The following HLA-DQA2 variants were observed in gnomAD, a reference collection of about 807,000 sequenced individuals.
HLA-DQA2 encodes the protein major histocompatibility complex, class II, DQ alpha 2.
Under a neutral mutation model 21.0 loss-of-function variants are expected in HLA-DQA2, and 17 were observed. The observed-to-expected ratio is 0.81, with a 90% CI of 0.56 to 1.22. The LOEUF (loss-of-function observed/expected upper bound fraction) is 1.22, where lower values mean the gene tolerates loss of function less well. Ranked by LOEUF, HLA-DQA2 falls within the 50% of genes most tolerant of loss-of-function variation. The pLI, the probability that HLA-DQA2 is intolerant of heterozygous loss-of-function variation, is 0.00. For synonymous variants in HLA-DQA2, 81 were observed against 116.5 expected, an observed-to-expected ratio of 0.70 and a Z score of 1.96; for missense variants, 239 against 308.8, an observed-to-expected ratio of 0.77 and a Z score of 1.69.
Position 32,746,691 on chromosome 6 carries a change from C to T in HLA-DQA2, c.*130C>T. 3 of 643,866 alleles carry T rather than the reference C, an allele frequency of 4.7e-6. No individual in the cohort carries two copies. Among genetic ancestry groups the T allele is most frequent in the Non-Finnish European group, 8.6e-6 (3 of 349,052 alleles). The allele number at this position is 643,866 out of a possible 1,614,324, so 39.9% of individuals were successfully genotyped here. A position where few individuals can be genotyped will look rare whatever the true frequency, so the allele number is the denominator to read the frequency against. On this transcript the variant is annotated 3_prime_UTR_variant, in exon 5 of 5. Transcript: ENST00000374940. The stretch of plus-strand genomic sequence containing the variant: ...TCTCCTCCAAATGTTTCTTCTCTCA[C>T]CTCTTCTCTGGGACTTAAGGTGCTA...
Position 32,746,429 on chromosome 6 carries a change from T to C in HLA-DQA2, c.*20+15T>C. ...TGAAAAGGAAGGTAAGATTGAGATT[T>C]GTTGGAGCTGAAACCTCAGTATGAG... On this transcript the variant is annotated intron_variant, in intron 4 of 4. Coordinates refer to ENST00000374940, the MANE Select transcript of HLA-DQA2 (RefSeq NM_020056.5). 1 of 1,613,014 alleles carries C rather than the reference T, an allele frequency of 6.2e-7. No individual in the cohort carries two copies. Among genetic ancestry groups the C allele is most frequent in the Non-Finnish European group, 8.5e-7 (1 of 1,179,976 alleles).
chr6:32,746,884 C>T lies in HLA-DQA2; in HGVS notation c.*323C>T. 1 of 338,030 alleles carries T rather than the reference C, an allele frequency of 3.0e-6. No homozygotes were observed. The highest frequency in any genetic ancestry group is 5.8e-6 in the Non-Finnish European group (1 of 173,144). 20.9% of individuals were successfully genotyped at this position (338,030 alleles called of 1,614,324 possible). On this transcript the variant is annotated 3_prime_UTR_variant, in exon 5 of 5. Coordinates refer to ENST00000374940, the MANE Select transcript of HLA-DQA2 (RefSeq NM_020056.5). ...AATCTCCATGGAAGCAATAAATTCC[C>T]TTTTGATGCCTCTATTGAATTTTTC...
chr6:32,744,116 C>T (rs1179867425), intron 1 of HLA-DQA2, among the ~76,000 whole-genome samples: 1 of 152,322 alleles, frequency 6.6e-6, no homozygotes, highest in South Asian at 2.1e-4. Context: ...CCTTACCGAC[C>T]TGATTCTCCC....
intron 1 of HLA-DQA2, among the ~76,000 whole-genome samples, chr6:32,744,434 A>AAC (rs1272960698): frequency 6.6e-6 from 1 of 151,986 alleles, no homozygotes; most frequent in Non-Finnish European, 1.5e-5. Context: ...GAGGAAAAAA[A>AAC]AAAGTGGGGG....
In HLA-DQA2 at chr6:32,746,392, T is replaced by C; in HGVS notation, c.766T>C (p.Ter256ArgextTer4). The C allele has an allele frequency of 6.3e-7, 1 of 1,592,828 alleles. No homozygotes were observed. The highest frequency in any genetic ancestry group is 8.5e-7 in the Non-Finnish European group (1 of 1,172,354). ...VGASRHQGLL[*>R] is the part of the protein sequence containing the mutation. ...TGCTTCCAGACACCAAGGGCTCTTA[T>C]GAATCCCATCCTGAAAAGGAAGGTA... The change falls in exon 4 of 5, where the codon TGA becomes CGA. Residue 256 changes from the stop codon to arginine, a stop_lost. Coordinates refer to ENST00000374940, the MANE Select transcript of HLA-DQA2 (RefSeq NM_020056.5).
chr6:32,745,857 G>C lies in HLA-DQA2; in HGVS notation c.398G>C (p.Cys133Ser), dbSNP rs1763543505. The stretch of plus-strand genomic sequence containing the variant: ...CTGGGTCAGCCCAACACCCTCATCT[G>C]TCTTGTGGACAACATCTTTCCTCCT... ...VTLGQPNTLI[C>S]LVDNIFPPVV... Residue 133 changes from cysteine (C) to serine (S), a missense_variant, in exon 3 of 5, where the codon TGT becomes TCT. Physicochemically the swap from Cys to Ser is moderately radical, Grantham distance 112 (BLOSUM62 -1). Transcript: ENST00000374940. 6.2e-7 allele frequency: 1 copy of C among 1,613,040 alleles called. No homozygotes were observed. Among genetic ancestry groups the C allele is most frequent in the Non-Finnish European group, 8.5e-7 (1 of 1,180,050 alleles).
At position 32,745,136 on chromosome 6, in the gene HLA-DQA2, T is replaced by C. The variant is rs1165035222; in HGVS notation, c.83-23T>C. 4 of 1,609,410 alleles carry C rather than the reference T, an allele frequency of 2.5e-6. No homozygotes were observed. In the South Asian group the frequency reaches 3.3e-5, roughly 13 times the overall value. On this transcript the variant is annotated intron_variant, in intron 1 of 4. Coordinates refer to ENST00000374940, the MANE Select transcript of HLA-DQA2 (RefSeq NM_020056.5). ...TCTTTCTCCCTGTGTTCCACCCTCC[T>C]GCTTGTCACCTTCACTCGTCAGCTG... is the stretch of plus-strand genomic sequence containing the variant.
Position 32,745,822 on chromosome 6 carries a change from T to C in HLA-DQA2, c.363T>C (p.Phe121=), listed in dbSNP as rs914947717. The C allele has an allele frequency of 6.2e-7, 1 of 1,613,136 alleles. No homozygotes were observed. The highest frequency in any genetic ancestry group is 8.5e-7 in the Non-Finnish European group (1 of 1,180,038). Residue 121 remains phenylalanine (F), a synonymous_variant, in exon 3 of 5, where the codon TTT becomes TTC. Transcript: ENST00000374940. ...EVPEVTVFSK[F]PVTLGQPNTL... ...CTGAGGTCACAGTGTTTTCCAAGTT[T>C]CCTGTGACGCTGGGTCAGCCCAACA...
chr6:32,745,506 A>G, intron 2 of HLA-DQA2, 99 bp downstream of exon 2: 2 of 1,308,950 alleles, frequency 1.5e-6, no homozygotes, highest in Non-Finnish European at 2.2e-6. Flanking sequence ...TCTCATGGTA[A>G]TTGCTGAAAT....
At position 32,745,321 on chromosome 6, in the gene HLA-DQA2, C is replaced by A. The variant is rs762568360; in HGVS notation, c.245C>A (p.Pro82Gln). The change falls in exon 2 of 5, where the codon CCG becomes CAG. Residue 82 changes from proline to glutamine, a missense_variant. By Grantham distance (76) the Pro-to-Gln change is moderately conservative (BLOSUM62 -1). Transcript: ENST00000374940. ...PMFSKFISFDPQSALRNMAVG... is the reference protein window; with the variant it reads ...PMFSKFISFDQQSALRNMAVG... ...TTTAGCAAATTTATAAGTTTTGACC[C>A]GCAGAGTGCACTGAGAAATATGGCT... The A allele has an allele frequency of 6.3e-7, 1 of 1,584,414 alleles. No individual in the cohort carries two copies. The highest frequency in any genetic ancestry group is 8.6e-7 in the Non-Finnish European group (1 of 1,164,494).
chr6:32,746,753 T>C lies in HLA-DQA2; in HGVS notation c.*192T>C, dbSNP rs1763629274. 4.0e-6 allele frequency: 2 copies of C among 503,306 alleles called. No individual in the cohort carries two copies. Among genetic ancestry groups the C allele is most frequent in the Non-Finnish European group, 3.8e-6 (1 of 264,726 alleles). The allele number at this position is 503,306 out of a possible 1,614,324, so 31.2% of individuals were successfully genotyped here. On this transcript the variant is annotated 3_prime_UTR_variant, in exon 5 of 5. Coordinates refer to ENST00000374940, the MANE Select transcript of HLA-DQA2 (RefSeq NM_020056.5). ...AGCTCACAAATGCCTTTCAATTCTTTCCCTGACCTCCTTTCCTGAATTTTT... is the reference window on the plus strand; with the variant it reads ...AGCTCACAAATGCCTTTCAATTCTTCCCCTGACCTCCTTTCCTGAATTTTT...
chr6:32,742,326 G>A (rs1457298396), intron 1 of HLA-DQA2, among the ~76,000 whole-genome samples: 1 of 149,878 alleles, frequency 6.7e-6, no homozygotes, highest in African/African-American at 2.4e-5. Flanking sequence ...TTCTCAAATT[G>A]TCAACCCAAA....
Position 32,746,672 on chromosome 6 carries a change from C to T in HLA-DQA2, c.*111C>T. ...TGATTTATCATATCCCTTTTCTCCT[C>T]CAAATGTTTCTTCTCTCACCTCTTC... On this transcript the variant is annotated 3_prime_UTR_variant, in exon 5 of 5. Coordinates refer to ENST00000374940, the MANE Select transcript of HLA-DQA2 (RefSeq NM_020056.5). The T allele has an allele frequency of 5.1e-6, 3 of 584,578 alleles. No homozygotes were observed. Among genetic ancestry groups the T allele is most frequent in the Non-Finnish European group, 9.4e-6 (3 of 317,562 alleles). 36.2% of individuals were successfully genotyped at this position (584,578 alleles called of 1,614,324 possible). A position where few individuals can be genotyped will look rare whatever the true frequency, so the allele number is the denominator to read the frequency against.
At chr6:32,743,858 G>A (rs1050964684) in intron 1 of HLA-DQA2, among the ~76,000 whole-genome samples, 18 of 151,988 alleles carry the variant, frequency 1.2e-4, no homozygotes, top group East Asian at 3.8e-4. Context: ...GTCACAACGC[G>A]GTCAAAAACA....
intron 1 of HLA-DQA2, among the ~76,000 whole-genome samples, chr6:32,742,869 CTTT>C (rs28993556): frequency 0.12 from 16,184 of 140,166 alleles, 1,261 homozygotes; most frequent in Non-Finnish European, 0.16. Context: ...AATGTTTTAA[CTTT>C]TTTTTTTTTT....
Position 32,746,335 on chromosome 6 carries a change from G to A in HLA-DQA2, c.709G>A (p.Val237Ile). Reference sequence around the variant, plus strand: ...CCTCATGGGCATTGTGGTGGGCACTGTCTTCATCATCCAAGGCCTGCGTTC... The same window carrying A: ...CCTCATGGGCATTGTGGTGGGCACTATCTTCATCATCCAAGGCCTGCGTTC... ...VGLMGIVVGT[V>I]FIIQGLRSVG... The change falls in exon 4 of 5, where the codon GTC becomes ATC. Residue 237 changes from valine to isoleucine, a missense_variant. Transcript: ENST00000374940. The A allele has an allele frequency of 1.2e-6, 2 of 1,613,104 alleles. No homozygotes were observed. The highest frequency in any genetic ancestry group is 2.7e-5 in the African/African-American group (2 of 75,040).
At chr6:32,743,521 C>T (rs1215668096) in intron 1 of HLA-DQA2, among the ~76,000 whole-genome samples, 1 of 152,020 alleles carries the variant, frequency 6.6e-6, no homozygotes, top group East Asian at 1.9e-4. Context: ...CACAGGAAAG[C>T]AGAAGGCCCT....
chr6:32,741,399 T>A lies in HLA-DQA2; in HGVS notation c.-45T>A. The A allele has an allele frequency of 6.3e-7, 1 of 1,593,076 alleles. No individual in the cohort carries two copies. Among genetic ancestry groups the A allele is most frequent in the Non-Finnish European group, 8.6e-7 (1 of 1,164,626 alleles). ...CTTGTCTCGAGGTCCTCACAATTGC[T>A]CTACAGCTCAGAGCAGCAACTGCTG... On this transcript the variant is annotated 5_prime_UTR_variant, in exon 1 of 5. Transcript: ENST00000374940.
In HLA-DQA2 at chr6:32,745,331, A is replaced by G. The variant is rs575178386; in HGVS notation, c.255A>G (p.Ala85=). 1.1e-5 allele frequency: 18 copies of G among 1,588,234 alleles called. No homozygotes were observed. The highest frequency in any genetic ancestry group is 1.5e-5 in the Non-Finnish European group (18 of 1,166,520). ...SKFISFDPQS[A]LRNMAVGKHT... ...TTATAAGTTTTGACCCGCAGAGTGC[A>G]CTGAGAAATATGGCTGTGGGAAAAC... The change falls in exon 2 of 5, where the codon GCA becomes GCG. Residue 85 remains alanine (A), a synonymous_variant. Coordinates refer to ENST00000374940, the MANE Select transcript of HLA-DQA2 (RefSeq NM_020056.5).
Sources: allele counts gnomAD v4.1 joint callset (sites outside exome capture counted in the v4.1 genomes callset), GRCh38; gene constraint gnomAD v4.1.1; transcripts MANE v1.5; gene names NCBI Gene and HGNC (gene_info 2026-07-23, HGNC 2026-07-21).